AHCTF1: variants seen among roughly 807,000 people sequenced by gnomAD.
AHCTF1 encodes AT-hook containing transcription factor 1, also known as protein ELYS.
A neutral mutation model predicts 248.4 loss-of-function variants in AHCTF1; 24 were observed. That is an observed-to-expected ratio of 0.10 (90% CI 0.07 to 0.14). The LOEUF is 0.14. AHCTF1 is among the 10% of genes least tolerant of loss of function. The probability of loss-of-function intolerance (pLI) is 1.00; values close to 1 mark genes in which losing one functional copy is unlikely to be tolerated. For synonymous variants in AHCTF1, 786 were observed against 929.8 expected (o/e 0.85, Z 2.81); for missense variants, 2,206 against 2,636.2 (o/e 0.84, Z 3.57).
At chr1:246,926,452 A>G (rs868102187) in intron 1 of AHCTF1, among the ~76,000 whole-genome samples, 9 of 152,228 alleles carry the variant, frequency 5.9e-5, no homozygotes, top group African/African-American at 1.9e-4. Flanking sequence ...GTTCAAAAAA[A>G]TGTTTAATAA....
In AHCTF1 at chr1:246,849,880, C is replaced by T. The variant is rs763936920; in HGVS notation, c.6126G>A (p.Met2042Ile). The change falls in exon 33 of 36, where the codon ATG becomes ATA. Residue 2042 changes from methionine (M) to isoleucine (I), a missense_variant. Physicochemically the swap from Met to Ile is conservative, Grantham distance 10 (BLOSUM62 1). Transcript: ENST00000648844. ...TTTTTGTAAGTTTTTTCTTAGAGCT[C>T]ATCACCATCGAAAGTTCCTCGTTTG... ...LVPNEELSMV[M>I]SSKKKLTKKT... 4.3e-6 allele frequency: 7 copies of T among 1,613,934 alleles called. No homozygotes were observed. Among genetic ancestry groups the T allele is most frequent in the South Asian group, 1.1e-5 (1 of 91,072 alleles).
Position 246,924,517 on chromosome 1 carries a change from A to ACATATTTATG in AHCTF1, c.-7-6150_-7-6141dup, listed in dbSNP as rs530918956. On this transcript the variant is annotated intron_variant, in intron 1 of 35. Coordinates refer to ENST00000648844, the MANE Select transcript of AHCTF1 (RefSeq NM_001323342.2). ...AAAAATGCAACTTTAAAAATACAGT[A>ACATATTTATG]CATATTTATGTAGCCTTAGGATGGG... 2.8e-4 allele frequency among the ~76,000 whole-genome samples: 43 copies of ACATATTTATG among 152,214 alleles called. 1 individual carries two copies. In the East Asian group the frequency reaches 8.3e-3, roughly 29 times the overall value.
intron 1 of AHCTF1, chr1:246,931,008 G>A (rs759505841): frequency 1.5e-6 from 2 of 1,359,978 alleles, no homozygotes; most frequent in Non-Finnish European, 9.8e-7. Context: ...GTAGGAAAAA[G>A]GAAGGCAAAG....
intron 19 of AHCTF1, 42 bp from the exon 20 acceptor site, chr1:246,887,399 A>C: frequency 6.4e-7 from 1 of 1,558,980 alleles, no homozygotes; most frequent in Non-Finnish European, 8.7e-7. Flanking sequence ...ACAACAACAA[A>C]AACCTCCTAC....
intron 3 of AHCTF1, among the ~76,000 whole-genome samples, chr1:246,914,175 T>C (rs1230151309): frequency 6.6e-6 from 1 of 152,252 alleles, no homozygotes; most frequent in Non-Finnish European, 1.5e-5. Context: ...TGTCTTTCCT[T>C]CAGTTTCCTA....
intron 23 of AHCTF1, among the ~76,000 whole-genome samples, chr1:246,876,737 G>A (rs1662995223): frequency 6.6e-6 from 1 of 152,112 alleles, no homozygotes. Context: ...CAATATTGTA[G>A]GCAGACATCA....
In AHCTF1 at chr1:246,921,356, T is replaced by A. The variant is rs1284150531; in HGVS notation, c.-7-2979A>T. Among the ~76,000 whole-genome samples the A allele has an allele frequency of 2.6e-5, 4 of 152,110 alleles. No homozygotes were observed. In the South Asian group the frequency reaches 6.2e-4, roughly 24 times the overall value. On this transcript the variant is annotated intron_variant, in intron 1 of 35. Coordinates refer to ENST00000648844, the MANE Select transcript of AHCTF1 (RefSeq NM_001323342.2). The stretch of plus-strand genomic sequence containing the variant: ...TGGTGCTGAGTACACAGGTATTCAC[T>A]GCACCGTGATCTTCTCTAGCTTATA...
rs1660670947 is a variant in AHCTF1 at position 246,850,984 on chromosome 1, A to G, written c.5022T>C (p.Asp1674=). 1 of 1,613,872 alleles carries G rather than the reference A, an allele frequency of 6.2e-7. No homozygotes were observed. The highest frequency in any genetic ancestry group is 8.5e-7 in the Non-Finnish European group (1 of 1,179,848). The change falls in exon 33 of 36, where the codon GAT becomes GAC. Residue 1674 remains aspartate, a synonymous_variant. Coordinates refer to ENST00000648844, the MANE Select transcript of AHCTF1 (RefSeq NM_001323342.2). The part of the protein sequence containing the change: ...IKVAIAENLL[D]VIKDTRSKEI... ...CTTTACTTCTTGTGTCTTTAATTAC[A>G]TCTAGTAAATTTTCTGCAATTGCTA...
intron 21 of AHCTF1, among the ~76,000 whole-genome samples, chr1:246,879,442 G>A (rs1308980170): frequency 6.6e-6 from 1 of 152,084 alleles, no homozygotes. Context: ...TCTATAAATT[G>A]GCACATGTGC....
chr1:246,922,728 A>C (rs1398376435), intron 1 of AHCTF1, among the ~76,000 whole-genome samples: 1 of 150,664 alleles, frequency 6.6e-6, no homozygotes, highest in Non-Finnish European at 1.5e-5. Flanking sequence ...CACGCCTGTA[A>C]TCCCAGCACT....
intron 31 of AHCTF1, among the ~76,000 whole-genome samples, chr1:246,854,519 T>C (rs531037589): frequency 6.6e-6 from 1 of 152,250 alleles, no homozygotes; most frequent in South Asian, 2.1e-4. Context: ...TTAGAGCTGT[T>C]AAAAAGAACA....
chr1:246,868,888 A>G (rs1360394004), intron 24 of AHCTF1, among the ~76,000 whole-genome samples: 1 of 141,176 alleles, frequency 7.1e-6, no homozygotes, highest in East Asian at 2.1e-4. Flanking sequence ...TCTGTCACCC[A>G]GGTTGGAGTG....
chr1:246,920,947 C>T (rs564486797), intron 1 of AHCTF1, among the ~76,000 whole-genome samples: 13 of 151,762 alleles, frequency 8.6e-5, no homozygotes, highest in Admixed American at 1.3e-4. Context: ...AAAAAATCAG[C>T]TGGCCATGGT....
At position 246,855,758 on chromosome 1, in the gene AHCTF1, G is replaced by A. The variant is rs1190065934; in HGVS notation, c.4326C>T (p.Thr1442=). ...DEGLTSVETY[T]PAIRANDNKS... is the part of the protein sequence containing the mutation. ...TATTGTCATTTGCTCTAATTGCAGG[G>A]GTGTAGGTTTCAACAGATGTTAATC... Residue 1442 remains threonine, a synonymous_variant, in exon 31 of 36, where the codon ACC becomes ACT. Transcript: ENST00000648844. 6.2e-7 allele frequency: 1 copy of A among 1,612,528 alleles called. No individual in the cohort carries two copies. The highest frequency in any genetic ancestry group is 1.3e-5 in the African/African-American group (1 of 74,802).
Position 246,840,985 on chromosome 1 carries a change from C to G in AHCTF1, c.6622G>C (p.Glu2208Gln), listed in dbSNP as rs1212330737. 6.2e-7 allele frequency: 1 copy of G among 1,600,918 alleles called. No individual in the cohort carries two copies. Among genetic ancestry groups the G allele is most frequent in the Admixed American group, 1.8e-5 (1 of 56,032 alleles). The change falls in exon 36 of 36, where the codon GAA becomes CAA. Residue 2208 changes from glutamate to glutamine, a missense_variant. Physicochemically the swap from Glu to Gln is conservative, Grantham distance 29. This residue lies in a region of AHCTF1 where 469 missense variants were observed against 470.0 expected (regional missense o/e 1.00). Transcript: ENST00000648844. ...TKQASKNTEK[E>Q]SAWSPPPIEI... is the part of the protein sequence containing the mutation. ...ATGGGAGGAGGTGACCAAGCACTTT[C>G]TTTTTCTGTGTTTCTGAAAAAAAAA...
chr1:246,890,116 T>C (rs1010905630), intron 16 of AHCTF1, 57 bp from the exon 17 acceptor site: 2 of 1,188,720 alleles, frequency 1.7e-6, no homozygotes, highest in African/African-American at 3.1e-5. Context: ...ATCTCAACAA[T>C]ACATATTAAT....
chr1:246,853,036 CAACT>C, intron 32 of AHCTF1, 51 bp downstream of exon 32: 1 of 1,397,418 alleles, frequency 7.2e-7, no homozygotes, highest in Non-Finnish European at 9.8e-7. Context: ...TGTCTTGAAA[CAACT>C]AAACCAAAAC....
At chr1:246,905,322 A>AC (rs1160907120) in intron 6 of AHCTF1, among the ~76,000 whole-genome samples, 1 of 151,960 alleles carries the variant, frequency 6.6e-6, no homozygotes, top group African/African-American at 2.4e-5. Flanking sequence ...ACATGGTGAA[A>AC]CCCCGTCTCT....
At chr1:246,859,087 G>A (rs1371453137) in intron 29 of AHCTF1, among the ~76,000 whole-genome samples, 1 of 152,112 alleles carries the variant, frequency 6.6e-6, no homozygotes, top group African/African-American at 2.4e-5. Context: ...GTAAGGCAGT[G>A]TAAATTTCTA....
Sources: allele counts gnomAD v4.1 joint callset (sites outside exome capture counted in the v4.1 genomes callset), GRCh38; gene constraint gnomAD v4.1.1; regional missense constraint gnomAD v4.1.1; transcripts MANE v1.5; gene names NCBI Gene and HGNC (gene_info 2026-07-23, HGNC 2026-07-21).